Variants in GALNT13 observed in about 807,000 individuals in gnomAD.
The protein encoded by GALNT13 is polypeptide N-acetylgalactosaminyltransferase 13.
Under a neutral mutation model 64.2 loss-of-function variants are expected in GALNT13, and 28 were observed. That is an observed-to-expected ratio of 0.44 (90% CI 0.32 to 0.60). GALNT13 has a LOEUF of 0.60. Ranked by LOEUF, GALNT13 falls within the 20% of genes least tolerant of loss-of-function variation. GALNT13 has a pLI of 0.05. For missense variants in GALNT13, 577 were observed against 669.8 expected, an observed-to-expected ratio of 0.86 and a Z score of 1.53; for synonymous variants, 214 against 224.6, an observed-to-expected ratio of 0.95 and a Z score of 0.42.
rs191242994 is a variant in GALNT13 at position 154,272,029 on chromosome 2, G to A, written c.975+12891G>A. Among the ~76,000 whole-genome samples the A allele has an allele frequency of 7.2e-5, 11 of 151,768 alleles. No homozygotes were observed. The East Asian group carries it at 1.2e-3, about 16-fold the overall frequency. On this transcript the variant is annotated intron_variant, in intron 8 of 12. Coordinates refer to ENST00000392825, the MANE Select transcript of GALNT13 (RefSeq NM_052917.4). ...AAATGCATAAAAAGAAAAAGAAATC[G>A]AATGAAAATTATACAAAAATAGTAA...
chr2:153,465,154 C>G, the GALNT13 span, among the ~76,000 whole-genome samples: 1 of 152,228 alleles, frequency 6.6e-6, no homozygotes, highest in African/African-American at 2.4e-5. Flanking sequence ...AATGCCTCTA[C>G]CACCTGGAGA....
At chr2:153,448,703 T>C in the GALNT13 span, among the ~76,000 whole-genome samples, 1 of 152,038 alleles carries the variant, frequency 6.6e-6, no homozygotes, top group Non-Finnish European at 1.5e-5. Context: ...ATTCTACCTC[T>C]CCCCCTTTTC....
At chr2:153,992,501 T>C (rs1258910608) in intron 3 of GALNT13, among the ~76,000 whole-genome samples, 1 of 152,178 alleles carries the variant, frequency 6.6e-6, no homozygotes, top group Non-Finnish European at 1.5e-5. Flanking sequence ...TGCTAAATTT[T>C]TCATTTTACA....
the GALNT13 span, among the ~76,000 whole-genome samples, chr2:153,429,576 G>A: frequency 6.6e-6 from 1 of 152,120 alleles, no homozygotes; most frequent in African/African-American, 2.4e-5. Context: ...CATCTTGGCA[G>A]TGTTATTCAC....
intron 3 of GALNT13, among the ~76,000 whole-genome samples, chr2:153,969,128 A>G (rs1347976019): frequency 6.6e-6 from 1 of 152,026 alleles, no homozygotes; most frequent in Non-Finnish European, 1.5e-5. Context: ...GAAAATCTTT[A>G]TGTATACCAG....
At chr2:153,994,381 G>A (rs1695375710) in intron 3 of GALNT13, among the ~76,000 whole-genome samples, 1 of 152,178 alleles carries the variant, frequency 6.6e-6, no homozygotes, top group Non-Finnish European at 1.5e-5. Context: ...AAACATACGT[G>A]TGCACATCTT....
At chr2:154,301,003 G>A (rs371954195) in intron 8 of GALNT13, among the ~76,000 whole-genome samples, 10 of 152,094 alleles carry the variant, frequency 6.6e-5, no homozygotes, top group Admixed American at 3.3e-4. Context: ...ATGAATGATC[G>A]TTTATAATTC....
intron 8 of GALNT13, chr2:154,286,442 GTTC>G (rs1574019748): frequency 6.5e-6 from 1 of 153,048 alleles, no homozygotes; most frequent in African/African-American, 2.4e-5. Flanking sequence ...TGTGCTTTGG[GTTC>G]TTCATTTTGT....
At chr2:153,777,893 G>T in the GALNT13 span, among the ~76,000 whole-genome samples, 1 of 152,262 alleles carries the variant, frequency 6.6e-6, no homozygotes, top group African/African-American at 2.4e-5. Flanking sequence ...AGGGCTTTTT[G>T]TATCCCGGGT....
chr2:154,231,937 G>A (rs1284779718), intron 4 of GALNT13, among the ~76,000 whole-genome samples: 3 of 151,364 alleles, frequency 2.0e-5, no homozygotes, highest in East Asian at 3.9e-4. Context: ...TATATTCTAG[G>A]CACTGGCCTA....
intron 11 of GALNT13, among the ~76,000 whole-genome samples, chr2:154,416,286 T>C (rs1429313046): frequency 2.0e-5 from 3 of 151,942 alleles, no homozygotes; most frequent in East Asian, 1.9e-4. Context: ...ACCAGCAGAT[T>C]TGGTGTCTGA....
the GALNT13 span, among the ~76,000 whole-genome samples, chr2:153,753,493 G>A: frequency 1.1e-4 from 16 of 152,280 alleles, no homozygotes; most frequent in Middle Eastern, 6.8e-3. Flanking sequence ...TTGTAGATGC[G>A]CTGAGGTCCT....
intron 3 of GALNT13, among the ~76,000 whole-genome samples, chr2:154,083,750 G>C (rs1323242495): frequency 6.6e-6 from 1 of 151,802 alleles, no homozygotes; most frequent in Non-Finnish European, 1.5e-5. Flanking sequence ...CCATGTCCCT[G>C]CCTGACCTTT....
At chr2:153,972,754 A>G (rs1390486937) in intron 3 of GALNT13, among the ~76,000 whole-genome samples, 2 of 152,066 alleles carry the variant, frequency 1.3e-5, no homozygotes, top group Non-Finnish European at 2.9e-5. Flanking sequence ...ACATAGAGTT[A>G]TATGCCCATA....
chr2:153,937,128 T>G (rs1690993766), intron 2 of GALNT13, among the ~76,000 whole-genome samples: 1 of 152,194 alleles, frequency 6.6e-6, no homozygotes, highest in Non-Finnish European at 1.5e-5. Context: ...ATTCTACACC[T>G]AGGTATATAC....
chr2:153,194,048 T>G, the GALNT13 span, among the ~76,000 whole-genome samples: 2 of 152,188 alleles, frequency 1.3e-5, no homozygotes, highest in Admixed American at 1.3e-4. Context: ...CTTTTGATAG[T>G]TTGACTATAA....
the GALNT13 span, among the ~76,000 whole-genome samples, chr2:153,073,964 A>G: frequency 6.6e-6 from 1 of 152,144 alleles, no homozygotes; most frequent in Non-Finnish European, 1.5e-5. Context: ...AGTGTCATTT[A>G]CCATATTTCC....
the GALNT13 span, among the ~76,000 whole-genome samples, chr2:153,292,371 G>C: frequency 6.6e-6 from 1 of 152,098 alleles, no homozygotes; most frequent in Admixed American, 6.6e-5. Flanking sequence ...TTATATGCTG[G>C]GAATCATGTT....
At chr2:153,463,811 A>G in the GALNT13 span, among the ~76,000 whole-genome samples, 32 of 152,184 alleles carry the variant, frequency 2.1e-4, 1 homozygote, top group Middle Eastern at 3.4e-3. Flanking sequence ...ATGCGCTGTA[A>G]TAGTTGAGAC....
Sources: allele counts gnomAD v4.1 joint callset (sites outside exome capture counted in the v4.1 genomes callset), GRCh38; gene constraint gnomAD v4.1.1; transcripts MANE v1.5; gene names NCBI Gene and HGNC (gene_info 2026-07-23, HGNC 2026-07-21).